Variants in CREB3L2 observed in about 807,000 individuals in gnomAD.
CREB3L2 encodes cAMP responsive element binding protein 3 like 2, also known as cyclic AMP-responsive element-binding protein 3-like protein 2.
Under a neutral mutation model 57.2 loss-of-function variants are expected in CREB3L2, and 23 were observed. The ratio of observed to expected loss-of-function variants is 0.40; its 90% CI spans 0.29 to 0.57. The LOEUF (loss-of-function observed/expected upper bound fraction) is 0.57. CREB3L2 is among the 20% of genes least tolerant of loss of function. The pLI is 0.42. For missense variants in CREB3L2, 628 were observed against 634.7 expected, an observed-to-expected ratio of 0.99 and a Z score of 0.11; for synonymous variants, 268 against 265.1, an observed-to-expected ratio of 1.01 and a Z score of -0.11.
In CREB3L2 at chr7:137,876,613, C is replaced by T; in HGVS notation, c.*3863G>A. On this transcript the variant is annotated 3_prime_UTR_variant, in exon 12 of 12. Transcript: ENST00000330387. Reference sequence around the variant, plus strand: ...CACCACCTACTCTCTCCTGTAACTGCCCTCCCAGCGGGGCCTATCCTAGCA... The same window carrying T: ...CACCACCTACTCTCTCCTGTAACTGTCCTCCCAGCGGGGCCTATCCTAGCA... The T allele has an allele frequency of 4.3e-6, 1 of 232,978 alleles. No homozygotes were observed. Among genetic ancestry groups the T allele is most frequent in the Non-Finnish European group, 8.5e-6 (1 of 117,944 alleles). 14.4% of individuals were successfully genotyped at this position (232,978 alleles called of 1,614,324 possible). A position where few individuals can be genotyped will look rare whatever the true frequency, so the allele number is the denominator to read the frequency against.
At chr7:137,884,598 T>G (rs571596911) in intron 10 of CREB3L2, 1 of 463,770 alleles carries the variant, frequency 2.2e-6, no homozygotes, top group Non-Finnish European at 3.9e-6. Context: ...ACTATATACA[T>G]TGCATTACAT....
At chr7:137,899,153 G>A (rs1191631876) in intron 8 of CREB3L2, among the ~76,000 whole-genome samples, 2 of 110,592 alleles carry the variant, frequency 1.8e-5, no homozygotes, top group Non-Finnish European at 4.0e-5. Flanking sequence ...AGGAAGGAAG[G>A]AAGGAAGGAA....
chr7:137,912,939 G>T, intron 4 of CREB3L2, 52 bp downstream of exon 4: 1 of 1,605,764 alleles, frequency 6.2e-7, no homozygotes. Context: ...CCTCTCTGTA[G>T]ACCCAGAGAC....
chr7:137,893,058 G>A (rs944056118), intron 8 of CREB3L2, among the ~76,000 whole-genome samples: 8 of 151,892 alleles, frequency 5.3e-5, no homozygotes, highest in Middle Eastern at 3.4e-3. Context: ...GTTGTTCATG[G>A]GGCTCTGGCC....
At position 137,928,267 on chromosome 7, in the gene CREB3L2, G is replaced by T. The variant is rs1800526246; in HGVS notation, c.202C>A (p.Pro68Thr). ...AGAGGCGCCGGGGACGTCGGGGAAG[G>T]TTCCACCTCCATTGACACACTCTTC... ...SEKSVSMEVE[P>T]SPTSPAPLIQ... The change falls in exon 2 of 12, where the codon CCT becomes ACT. Residue 68 changes from proline to threonine, a missense_variant. Pro to Thr is a conservative substitution (Grantham distance 38, BLOSUM62 -1). This residue lies in a region of CREB3L2 where 339 missense variants were observed against 355.4 expected (regional missense o/e 0.95). Coordinates refer to ENST00000330387, the MANE Select transcript of CREB3L2 (RefSeq NM_194071.4). The T allele has an allele frequency of 1.9e-5, 30 of 1,614,058 alleles. No individual in the cohort carries two copies. The highest frequency in any genetic ancestry group is 2.5e-5 in the Non-Finnish European group (29 of 1,179,996).
intron 1 of CREB3L2, among the ~76,000 whole-genome samples, chr7:137,983,355 G>C (rs544196342): frequency 2.4e-4 from 37 of 152,196 alleles, no homozygotes; most frequent in Non-Finnish European, 4.6e-4. Flanking sequence ...ACCAGGCAGT[G>C]GGGAAGGGAA....
At chr7:137,975,225 T>C (rs1469766753) in intron 1 of CREB3L2, among the ~76,000 whole-genome samples, 1 of 152,160 alleles carries the variant, frequency 6.6e-6, no homozygotes, top group Non-Finnish European at 1.5e-5. Context: ...TGTACAGAAC[T>C]CAGGAGGAGT....
In CREB3L2 at chr7:137,875,285, A is replaced by T. The variant is rs1799123480; in HGVS notation, c.*5191T>A. ...GTTGATTATAGCTCAGGGCCTGCTC[A>T]GCATTGTTTAAAAAGGGTCACTCAC... On this transcript the variant is annotated 3_prime_UTR_variant, in exon 12 of 12. Transcript: ENST00000330387. 4.6e-6 allele frequency: 1 copy of T among 219,354 alleles called. No individual in the cohort carries two copies. The highest frequency in any genetic ancestry group is 9.2e-6 in the Non-Finnish European group (1 of 109,136). 13.6% of individuals were successfully genotyped at this position (219,354 alleles called of 1,614,324 possible).
chr7:137,955,205 C>T (rs1215985416), intron 1 of CREB3L2: 1 of 1,054,202 alleles, frequency 9.5e-7, no homozygotes, highest in South Asian at 1.3e-5. Flanking sequence ...AAATCCTTGC[C>T]CATTTCCATC....
At chr7:137,946,890 A>AGT (rs1801000545) in intron 1 of CREB3L2, among the ~76,000 whole-genome samples, 1 of 44,254 alleles carries the variant, frequency 2.3e-5, no homozygotes, top group Non-Finnish European at 3.9e-5. Context: ...CTATATAGTT[A>AGT]TATATATAGT....
intron 8 of CREB3L2, among the ~76,000 whole-genome samples, chr7:137,899,562 G>GA (rs1360325995): frequency 0.014 from 1 of 72 alleles, no homozygotes; most frequent in Non-Finnish European, 0.028. Context: ...AATCCCCCCA[G>GA]GGAGAGGAAG....
chr7:137,879,992 CG>C lies in CREB3L2; in HGVS notation c.*483del. The C allele has an allele frequency of 4.1e-6, 1 of 241,760 alleles. No homozygotes were observed. Among genetic ancestry groups the C allele is most frequent in the Non-Finnish European group, 8.1e-6 (1 of 123,062 alleles). 15.0% of individuals were successfully genotyped at this position (241,760 alleles called of 1,614,324 possible). On this transcript the variant is annotated 3_prime_UTR_variant, in exon 12 of 12. Transcript: ENST00000330387. Reference sequence around the variant, plus strand: ...GGCAGAGTGGGCGGAGGGCTGCTGTCGGGGGTGTTCACACCAGAGACCCCAG... The same window carrying C: ...GGCAGAGTGGGCGGAGGGCTGCTGTCGGGGTGTTCACACCAGAGACCCCAG...
At chr7:137,929,936 C>T (rs913935069) in intron 1 of CREB3L2, among the ~76,000 whole-genome samples, 2 of 151,008 alleles carry the variant, frequency 1.3e-5, no homozygotes, top group African/African-American at 4.9e-5. Flanking sequence ...CTTGCTCTGT[C>T]GCCCAGGCTG....
Position 138,001,639 on chromosome 7 carries a change from C to A in CREB3L2, c.67G>T (p.Glu23Ter). Residue 23 changes from glutamate to a stop codon, truncating the protein, a stop_gained, in exon 1 of 12, where the codon GAG (glutamate) becomes TAG (stop). Transcript: ENST00000330387. LOFTEE classifies it high-confidence loss of function. This position sits in a 1 kb window ranked among gnomAD's most constrained non-coding sequence, Gnocchi z 4.2. The stretch of plus-strand genomic sequence containing the variant: ...ATGAGGGCCTCGCCGTCCCCGGGCT[C>A]TGACAGCTCGCTCAGCTTGCGGTCC... Reference protein sequence around the residue: ...QWDRKLSELSEPGDGEALMYH... With the variant: ...QWDRKLSELS The A allele has an allele frequency of 6.2e-7, 1 of 1,613,510 alleles. No homozygotes were observed. Among genetic ancestry groups the A allele is most frequent in the Non-Finnish European group, 8.5e-7 (1 of 1,179,802 alleles).
At chr7:137,967,045 T>C (rs1801418939) in intron 1 of CREB3L2, among the ~76,000 whole-genome samples, 1 of 152,178 alleles carries the variant, frequency 6.6e-6, no homozygotes, top group Non-Finnish European at 1.5e-5. Context: ...GAAAGCTTGC[T>C]CTCTCTCCCC....
Position 137,944,650 on chromosome 7 carries a change from G to T in CREB3L2, c.103-16284C>A, listed in dbSNP as rs184196581. On this transcript the variant is annotated intron_variant, in intron 1 of 11. Transcript: ENST00000330387. ...CATATGAGTATTTAAATAAATTAAG[G>T]TATATCTAAGTGGCTATGAAAACAA... Among the ~76,000 whole-genome samples the T allele has an allele frequency of 4.1e-3, 630 of 152,168 alleles. 5 individuals carry two copies. Among genetic ancestry groups the T allele is most frequent in the Non-Finnish European group, 7.0e-3 (473 of 68,004 alleles).
At chr7:137,883,100 T>C (rs1799333490) in intron 10 of CREB3L2, among the ~76,000 whole-genome samples, 1 of 152,202 alleles carries the variant, frequency 6.6e-6, no homozygotes, top group South Asian at 2.1e-4. Flanking sequence ...AATCAAAGGA[T>C]AGAGACAATC....
At chr7:137,990,736 C>G (rs1046605503) in intron 1 of CREB3L2, among the ~76,000 whole-genome samples, 2 of 152,180 alleles carry the variant, frequency 1.3e-5, no homozygotes, top group African/African-American at 4.8e-5. Flanking sequence ...CCTATTTCCT[C>G]CAGGTTTTCT....
intron 1 of CREB3L2, among the ~76,000 whole-genome samples, chr7:137,940,181 G>A (rs1800857554): frequency 6.6e-6 from 1 of 151,916 alleles, no homozygotes; most frequent in East Asian, 1.9e-4. Context: ...CTCCTCTCTG[G>A]TATCTTCCAC....
Sources: allele counts gnomAD v4.1 joint callset (sites outside exome capture counted in the v4.1 genomes callset), GRCh38; gene constraint gnomAD v4.1.1; regional missense constraint gnomAD v4.1.1; non-coding constraint Gnocchi (gnomAD v3.1); transcripts MANE v1.5; gene names NCBI Gene and HGNC (gene_info 2026-07-23, HGNC 2026-07-21).